The following DOCK4 variants were observed in gnomAD, a reference collection of about 807,000 sequenced individuals.
DOCK4 encodes dedicator of cytokinesis 4.
A neutral mutation model predicts 268.1 loss-of-function variants in DOCK4; 97 were observed. The observed-to-expected ratio is 0.36, with a 90% confidence interval of 0.31 to 0.43. The LOEUF (loss-of-function observed/expected upper bound fraction) is 0.43, where lower values mean the gene tolerates loss of function less well. Ranked by LOEUF, DOCK4 falls within the 20% of genes least tolerant of loss-of-function variation. DOCK4 has a pLI of 1.00. For synonymous variants in DOCK4, 954 were observed against 887.2 expected, an observed-to-expected ratio of 1.08 and a Z score of -1.34; for missense variants, 2,145 against 2,455.7, an observed-to-expected ratio of 0.87 and a Z score of 2.67.
At position 112,109,417 on chromosome 7, in the gene DOCK4, T is replaced by A. The variant is rs75605212; in HGVS notation, c.37+96685A>T. Among the ~76,000 whole-genome samples the A allele has an allele frequency of 2.6e-5, 4 of 151,636 alleles. No homozygotes were observed. In the East Asian group the frequency reaches 7.7e-4, roughly 29 times the overall value. ...AATAAGTCACAGAGAAGAAAAAAAA[T>A]GTATGGGAAGCTTAAAGTAGAAAAA... is the stretch of plus-strand genomic sequence containing the variant. On this transcript the variant is annotated intron_variant, in intron 1 of 52. Transcript: ENST00000428084.
At chr7:112,190,563 G>C (rs1156933885) in intron 1 of DOCK4, among the ~76,000 whole-genome samples, 2 of 152,180 alleles carry the variant, frequency 1.3e-5, no homozygotes, top group Non-Finnish European at 2.9e-5. Flanking sequence ...ATGGAGGACA[G>C]CGTATGAGAG....
intron 25 of DOCK4, among the ~76,000 whole-genome samples, chr7:111,842,710 C>A (rs1803794520): frequency 6.6e-6 from 1 of 152,142 alleles, no homozygotes; most frequent in Admixed American, 6.5e-5. Flanking sequence ...GTCAAAGAGG[C>A]CTAGTAGAGA....
At chr7:112,059,706 TA>T (rs1343401268) in intron 1 of DOCK4, among the ~76,000 whole-genome samples, 3 of 152,172 alleles carry the variant, frequency 2.0e-5, no homozygotes, top group Non-Finnish European at 2.9e-5. Flanking sequence ...TTCAAGATTT[TA>T]GGAAAACATG....
chr7:111,880,759 A>G (rs575832761), intron 16 of DOCK4, among the ~76,000 whole-genome samples: 1 of 152,232 alleles, frequency 6.6e-6, no homozygotes, highest in Non-Finnish European at 1.5e-5. Flanking sequence ...GAGAACCCAG[A>G]AACAAATCCA....
chr7:112,081,700 CCA>C (rs546940939), intron 1 of DOCK4, among the ~76,000 whole-genome samples: 36 of 152,214 alleles, frequency 2.4e-4, no homozygotes, highest in African/African-American at 7.7e-4. Context: ...CGTCAATACT[CCA>C]CACACAGCTG....
rs536571875 is a variant in DOCK4 at position 112,085,894 on chromosome 7, A to C, written c.38-81763T>G. ...GCTATGAGACATTTTTGCCAAAAAA[A>C]GCAAATAAACAGACCAGAGTCTAAT... On this transcript the variant is annotated intron_variant, in intron 1 of 52. Coordinates refer to ENST00000428084, the MANE Select transcript of DOCK4 (RefSeq NM_001363540.2). Among the ~76,000 whole-genome samples, 12 of 152,272 alleles carry C rather than the reference A, an allele frequency of 7.9e-5. 1 individual carries two copies. Among genetic ancestry groups the C allele is most frequent in the African/African-American group, 2.4e-4 (10 of 41,570 alleles).
chr7:112,065,186 A>C (rs542400557), intron 1 of DOCK4, among the ~76,000 whole-genome samples: 1 of 152,116 alleles, frequency 6.6e-6, no homozygotes, highest in Non-Finnish European at 1.5e-5. Flanking sequence ...ATCTCTGTGC[A>C]TTCTCCCCTC....
rs1794674291 is a variant in DOCK4 at position 111,726,753 on chromosome 7, CTGTT to C, written c.*1517_*1520del. 6.6e-6 allele frequency: 1 copy of C among 152,614 alleles called. No homozygotes were observed. Among genetic ancestry groups the C allele is most frequent in the African/African-American group, 2.4e-5 (1 of 41,456 alleles). 9.5% of individuals were successfully genotyped at this position (152,614 alleles called of 1,614,324 possible). On this transcript the variant is annotated 3_prime_UTR_variant, in exon 53 of 53. Coordinates refer to ENST00000428084, the MANE Select transcript of DOCK4 (RefSeq NM_001363540.2). ...TATAACAATCATACTGCATCAACAA[CTGTT>C]TGCGTTTATTTTTACTTTTTTTTAC...
At chr7:111,949,857 G>A (rs974348582) in intron 8 of DOCK4, among the ~76,000 whole-genome samples, 1 of 152,150 alleles carries the variant, frequency 6.6e-6, no homozygotes, top group African/African-American at 2.4e-5. Context: ...GAAATGTTTG[G>A]AGAATATCAG....
chr7:111,982,950 G>A (rs1413483742), intron 7 of DOCK4, among the ~76,000 whole-genome samples: 1 of 152,242 alleles, frequency 6.6e-6, no homozygotes, highest in Non-Finnish European at 1.5e-5. Context: ...CTAAGAGGCA[G>A]TGATGACTTT....
At chr7:111,892,040 T>C (rs1808327801) in intron 16 of DOCK4, among the ~76,000 whole-genome samples, 1 of 152,206 alleles carries the variant, frequency 6.6e-6, no homozygotes, top group Admixed American at 6.5e-5. Context: ...GCCTAGATTA[T>C]GACTGTTTTA....
intron 8 of DOCK4, among the ~76,000 whole-genome samples, chr7:111,950,734 C>G (rs558698238): frequency 6.6e-6 from 1 of 152,186 alleles, no homozygotes; most frequent in Non-Finnish European, 1.5e-5. Flanking sequence ...TGATGCCTCA[C>G]GACCTGACTC....
At chr7:111,919,977 C>A (rs1385357361) in intron 12 of DOCK4, among the ~76,000 whole-genome samples, 1 of 152,094 alleles carries the variant, frequency 6.6e-6, no homozygotes, top group African/African-American at 2.4e-5. Context: ...AACGAGCCAC[C>A]AGAACAGTAA....
intron 30 of DOCK4, among the ~76,000 whole-genome samples, chr7:111,799,979 A>G (rs867462763): frequency 2.6e-5 from 4 of 152,218 alleles, no homozygotes; most frequent in South Asian, 2.1e-4. Context: ...AATTGCTGTA[A>G]TATTTTGCCT....
At chr7:112,014,245 T>C (rs1801614615) in intron 1 of DOCK4, among the ~76,000 whole-genome samples, 1 of 152,242 alleles carries the variant, frequency 6.6e-6, no homozygotes, top group African/African-American at 2.4e-5. Context: ...ATTTTGTCAC[T>C]TGGTCATTCA....
At chr7:112,027,170 G>A (rs944477815) in intron 1 of DOCK4, among the ~76,000 whole-genome samples, 1 of 152,124 alleles carries the variant, frequency 6.6e-6, no homozygotes, top group Non-Finnish European at 1.5e-5. Flanking sequence ...ACCAGAAAAA[G>A]GAACTGTGTG....
chr7:111,911,808 G>GT (rs537962837), intron 13 of DOCK4, among the ~76,000 whole-genome samples: 1,552 of 147,490 alleles, frequency 0.011, 25 homozygotes, highest in African/African-American at 0.033. Context: ...GCTCTAAAAT[G>GT]TTTTTTTTTT....
At position 111,956,780 on chromosome 7, in the gene DOCK4, T is replaced by C. The variant is rs540540901; in HGVS notation, c.702-10982A>G. 2.6e-5 allele frequency among the ~76,000 whole-genome samples: 4 copies of C among 152,292 alleles called. No individual in the cohort carries two copies. The South Asian group carries it at 8.3e-4, about 32-fold the overall frequency. ...AATATGAAGTCTCAATATTCTCATC[T>C]TCAGAGAAAGGCACAGACCTGTCTC... On this transcript the variant is annotated intron_variant, in intron 8 of 52. Transcript: ENST00000428084.
intron 51 of DOCK4, chr7:111,732,558 C>A: frequency 2.1e-6 from 1 of 473,916 alleles, no homozygotes; most frequent in Non-Finnish European, 3.8e-6. Flanking sequence ...CCAAACTGAT[C>A]CAATGTCCTT....
Sources: allele counts gnomAD v4.1 joint callset (sites outside exome capture counted in the v4.1 genomes callset), GRCh38; gene constraint gnomAD v4.1.1; transcripts MANE v1.5; gene names NCBI Gene and HGNC (gene_info 2026-07-23, HGNC 2026-07-21).